Variants in ZNF676 observed in about 807,000 individuals in gnomAD.
ZNF676 encodes zinc finger protein 676.
Under a neutral mutation model 6.0 loss-of-function variants are expected in ZNF676, and 4 were observed. The observed-to-expected ratio is 0.67, with a 90% CI of 0.33 to 1.53. ZNF676 has a LOEUF of 1.53. Ranked by LOEUF, ZNF676 falls within the 40% of genes most tolerant of loss-of-function variation. The pLI, the probability that ZNF676 is intolerant of heterozygous loss-of-function variation, is 0.06. For missense variants in ZNF676, 644 were observed against 679.7 expected, an observed-to-expected ratio of 0.95 and a Z score of 0.58; for synonymous variants, 198 against 223.1, an observed-to-expected ratio of 0.89 and a Z score of 1.00.
the ZNF676 span, among the ~76,000 whole-genome samples, chr19:22,255,319 G>A: frequency 6.6e-6 from 1 of 152,098 alleles, no homozygotes; most frequent in South Asian, 2.1e-4. Context: ...GTCAGGGTGC[G>A]CACAGGAGTG....
intron 2 of ZNF676, 143 bp downstream of exon 2, chr19:22,192,873 G>T: frequency 1.1e-6 from 1 of 893,954 alleles, no homozygotes; most frequent in South Asian, 2.4e-5. Context: ...CCCTGTGTGA[G>T]AGAAAATTAA....
At chr19:22,219,032 G>GT (rs2024222571), upstream of ZNF676, among the ~76,000 whole-genome samples, 1 of 109,676 alleles carries the variant, frequency 9.1e-6, no homozygotes, top group African/African-American at 4.7e-5. Context: ...TTAGTTTTAG[G>GT]ATTTTTTTTT....
In ZNF676 at chr19:22,180,315, T is replaced by C; in HGVS notation, c.1402A>G (p.Lys468Glu). 2 of 1,612,816 alleles carry C rather than the reference T, an allele frequency of 1.2e-6. No individual in the cohort carries two copies. The highest frequency in any genetic ancestry group is 2.2e-5 in the East Asian group (1 of 44,870). ...GGTTTCTCTGCAGCATGAATTCTCT[T>C]GTGTTTAGTAAAGCTTGAGGACCAG... ...FTWSSSFTKH[K>E]RIHAAEKPYK... The change falls in exon 3 of 3, where the codon AAG (lysine) becomes GAG (glutamate). Residue 468 changes from lysine to glutamate, a missense_variant. Transcript: ENST00000397121.
At chr19:22,245,730 T>A in the ZNF676 span, among the ~76,000 whole-genome samples, 3 of 152,078 alleles carry the variant, frequency 2.0e-5, no homozygotes, top group South Asian at 6.2e-4. Flanking sequence ...GGTAAAGATA[T>A]GTCATAATAC....
chr19:22,185,037 T>C (rs1348366877), intron 2 of ZNF676, among the ~76,000 whole-genome samples: 1 of 151,994 alleles, frequency 6.6e-6, no homozygotes, highest in Non-Finnish European at 1.5e-5. Flanking sequence ...TACTGCCACC[T>C]CAAGTTGGTC....
the ZNF676 span, among the ~76,000 whole-genome samples, chr19:22,235,113 C>CAGGAAGGAAGGAAGGAAGGAAGGA: frequency 9.7e-6 from 1 of 102,694 alleles, no homozygotes; most frequent in African/African-American, 4.4e-5. Flanking sequence ...GTCAGGAAGG[C>CAGGAAGGAAGGAAGGAAGGAAGGA]AGGAAGGCAG....
At chr19:22,198,569 G>A (rs144847434), upstream of ZNF676, among the ~76,000 whole-genome samples, 940 of 152,126 alleles carry the variant, frequency 6.2e-3, 10 homozygotes, top group Middle Eastern at 0.037. Context: ...TTCTTTCTCA[G>A]ATAAAATTTT....
rs934577258 is a variant in ZNF676, at chr19:22,190,498, A to AAAT, written c.130+2515_130+2517dup. On this transcript the variant is annotated intron_variant, in intron 2 of 2. Coordinates refer to ENST00000397121, the MANE Select transcript of ZNF676 (RefSeq NM_001001411.3). ...CAAAAGACAATACCCAACAATCTTA[A>AAAT]AATAATAATAATAATAAAGCAATGT... is the stretch of plus-strand genomic sequence containing the variant. Among the ~76,000 whole-genome samples, 7 of 150,984 alleles carry AAAT rather than the reference A, an allele frequency of 4.6e-5. No homozygotes were observed. The East Asian group carries it at 5.8e-4, about 13-fold the overall frequency.
rs1402546950 is a variant in ZNF676, at chr19:22,180,567, T to C, written c.1150A>G (p.Lys384Glu). 23 of 1,612,904 alleles carry C rather than the reference T, an allele frequency of 1.4e-5. No homozygotes were observed. The highest frequency in any genetic ancestry group is 1.9e-5 in the Non-Finnish European group (23 of 1,179,758). Residue 384 changes from lysine to glutamate, a missense_variant, in exon 3 of 3, where the codon AAG becomes GAG. Coordinates refer to ENST00000397121, the MANE Select transcript of ZNF676 (RefSeq NM_001001411.3). ...GGCTTCTCTTCAGCATGAATTGCCT[T>C]ATGTGTATTAAGGGTTGAGACCTTA... ...FSKVSTLNTH[K>E]AIHAEEKPYK...
the ZNF676 span, among the ~76,000 whole-genome samples, chr19:22,242,777 C>G: frequency 6.6e-6 from 1 of 150,860 alleles, no homozygotes; most frequent in South Asian, 2.1e-4. Context: ...GTGTAAGGCT[C>G]AGGAATAAGG....
the ZNF676 span, among the ~76,000 whole-genome samples, chr19:22,238,724 T>C: frequency 6.6e-6 from 1 of 152,146 alleles, no homozygotes. Context: ...AGGCCATCTG[T>C]AGGCTGAGAA....
At chr19:22,256,182 G>A in the ZNF676 span, among the ~76,000 whole-genome samples, 1 of 152,190 alleles carries the variant, frequency 6.6e-6, no homozygotes, top group Non-Finnish European at 1.5e-5. Flanking sequence ...GCTATGAGAA[G>A]CAGCATATCA....
chr19:22,230,593 C>CAT, the ZNF676 span, among the ~76,000 whole-genome samples: 1 of 150,650 alleles, frequency 6.6e-6, no homozygotes, highest in Non-Finnish European at 1.5e-5. Flanking sequence ...TATATGAATG[C>CAT]ATATATATGT....
intron 2 of ZNF676, among the ~76,000 whole-genome samples, chr19:22,192,566 G>A (rs2023921255): frequency 6.6e-6 from 1 of 151,980 alleles, no homozygotes; most frequent in Admixed American, 6.6e-5. Context: ...CAAGACTATA[G>A]TAATAAAAAC....
the ZNF676 span, among the ~76,000 whole-genome samples, chr19:22,235,113 C>A: frequency 5.2e-4 from 53 of 102,750 alleles, 1 homozygote; most frequent in African/African-American, 2.1e-3. Context: ...GTCAGGAAGG[C>A]AGGAAGGCAG....
chr19:22,219,127 C>G (rs942569048), upstream of ZNF676, among the ~76,000 whole-genome samples: 2 of 146,758 alleles, frequency 1.4e-5, no homozygotes, highest in African/African-American at 5.0e-5. Flanking sequence ...GAGACAAGGT[C>G]TTACTCTGTC....
chr19:22,214,671 G>A (rs1261612407), intron 1 of ZNF676, among the ~76,000 whole-genome samples: 2 of 150,758 alleles, frequency 1.3e-5, no homozygotes, highest in Non-Finnish European at 2.9e-5. Flanking sequence ...AAAAAATTCA[G>A]GCTTAACACA....
chr19:22,181,184 A>G lies in ZNF676; in HGVS notation c.533T>C (p.Phe178Ser). ...ATAAGTAAGGGTTGAGGACCAGTTA[A>G]AAGCTTTGCCATTTTCTTCACATTT... ...SYKCEENGKAFNWSSTLTYYK... is the reference protein window; with the variant it reads ...SYKCEENGKASNWSSTLTYYK... The change falls in exon 3 of 3, where the codon TTT (phenylalanine) becomes TCT (serine). Residue 178 changes from phenylalanine to serine, a missense_variant. Physicochemically the swap from Phe to Ser is radical, Grantham distance 155. Around this residue, in one of 5 missense-constraint regions of ZNF676, gnomAD observed 280 missense variants for 269.3 expected, o/e 1.04. Coordinates refer to ENST00000397121, the MANE Select transcript of ZNF676 (RefSeq NM_001001411.3). 1 of 1,613,996 alleles carries G rather than the reference A, an allele frequency of 6.2e-7. No individual in the cohort carries two copies. The highest frequency in any genetic ancestry group is 8.5e-7 in the Non-Finnish European group (1 of 1,179,938).
At chr19:22,255,459 G>A in the ZNF676 span, among the ~76,000 whole-genome samples, 1 of 152,140 alleles carries the variant, frequency 6.6e-6, no homozygotes, top group Non-Finnish European at 1.5e-5. Context: ...GATTGTATCT[G>A]TGTCTCTAAG....
Sources: allele counts gnomAD v4.1 joint callset (sites outside exome capture counted in the v4.1 genomes callset), GRCh38; gene constraint gnomAD v4.1.1; regional missense constraint gnomAD v4.1.1; transcripts MANE v1.5; gene names NCBI Gene and HGNC (gene_info 2026-07-23, HGNC 2026-07-21).